PHKB: variants seen among roughly 807,000 people sequenced by gnomAD.
PHKB encodes phosphorylase kinase regulatory subunit beta, also known as phosphorylase b kinase regulatory subunit beta.
PHKB carries 122 observed loss-of-function variants against 152.1 expected under a neutral mutation model. The ratio of observed to expected loss-of-function variants is 0.80; its 90% CI spans 0.69 to 0.93. PHKB has a LOEUF of 0.93. PHKB is among the 40% of genes least tolerant of loss of function. The pLI, the probability that PHKB is intolerant of heterozygous loss-of-function variation, is 0.00. For synonymous variants in PHKB, 436 were observed against 464.9 expected, an observed-to-expected ratio of 0.94 and a Z score of 0.80; for missense variants, 1,304 against 1,328.4, an observed-to-expected ratio of 0.98 and a Z score of 0.29.
Position 47,660,783 on chromosome 16 carries a change from G to C in PHKB, c.2160G>C (p.Lys720Asn), listed in dbSNP as rs774334485. The stretch of plus-strand genomic sequence containing the variant: ...CGGATGTCAACATTAGTGAATGGAA[G>C]GACAAACCCACCCACGAAATTCTTC... ...QQPDVNISEW[K>N]DKPTHEILQK... The change falls in exon 22 of 31, where the codon AAG becomes AAC. Residue 720 changes from lysine to asparagine, a missense_variant. Lys to Asn is a moderately conservative substitution (Grantham distance 94, BLOSUM62 0). Transcript: ENST00000323584. The C allele has an allele frequency of 1.1e-5, 17 of 1,613,928 alleles. No homozygotes were observed. In the South Asian group the frequency reaches 1.9e-4, roughly 18 times the overall value.
chr16:47,624,834 C>T (rs997348510), intron 14 of PHKB, among the ~76,000 whole-genome samples: 1 of 152,144 alleles, frequency 6.6e-6, no homozygotes. Context: ...CACAGTCTGG[C>T]TTCTTACACT....
chr16:47,665,890 C>T, intron 25 of PHKB: 1 of 1,284,540 alleles, frequency 7.8e-7, no homozygotes, highest in Non-Finnish European at 1.1e-6. Context: ...CCCATGCATT[C>T]CTCATCTTTT....
At chr16:47,672,987 A>G (rs1441887386) in intron 26 of PHKB, among the ~76,000 whole-genome samples, 1 of 152,110 alleles carries the variant, frequency 6.6e-6, no homozygotes, top group African/African-American at 2.4e-5. Flanking sequence ...CCTGAAACTC[A>G]TTCTGGAATT....
rs115167659 is a variant in PHKB, at chr16:47,489,124, A to C, written c.77-8275A>C. ...GCTGGAGCGCAGTGGTGCAATCTTC[A>C]CTCACTGTGACCACCTCCCAAGTTC... On this transcript the variant is annotated intron_variant, in intron 1 of 30. Coordinates refer to ENST00000323584, the MANE Select transcript of PHKB (RefSeq NM_000293.3). Among the ~76,000 whole-genome samples the C allele has an allele frequency of 4.0e-3, 605 of 151,882 alleles. 2 individuals are homozygous for C. The highest frequency in any genetic ancestry group is 0.014 in the African/African-American group (582 of 41,404).
chr16:47,564,519 A>AT (rs1382505021), intron 7 of PHKB, among the ~76,000 whole-genome samples: 4 of 149,854 alleles, frequency 2.7e-5, no homozygotes, highest in African/African-American at 2.5e-5. Context: ...TTTTAATGGG[A>AT]TTTTTTCCTT....
chr16:47,597,671 CTTTTTTCT>C (rs891722960), intron 13 of PHKB: 1 of 124,596 alleles, frequency 8.0e-6, no homozygotes, highest in Non-Finnish European at 1.7e-5. Flanking sequence ...TTTCTTTTTT[CTTTTTTCT>C]TTTTTTTTTT....
intron 1 of PHKB, chr16:47,462,489 C>G (rs1191244393): frequency 3.3e-5 from 5 of 152,128 alleles, no homozygotes; most frequent in African/African-American, 1.2e-4. Context: ...CAAAAATTAC[C>G]TGGGCGTGGT....
chr16:47,629,388 GA>G (rs1972778628), intron 14 of PHKB, among the ~76,000 whole-genome samples: 1 of 151,922 alleles, frequency 6.6e-6, no homozygotes, highest in South Asian at 2.1e-4. Flanking sequence ...CTTCTCAAAA[GA>G]AGACATTTAT....
At chr16:47,639,218 G>A (rs1485423023) in intron 14 of PHKB, among the ~76,000 whole-genome samples, 1 of 152,148 alleles carries the variant, frequency 6.6e-6, no homozygotes, top group Non-Finnish European at 1.5e-5. Context: ...AGGCTGCAGT[G>A]AGCCGTGATC....
intron 7 of PHKB, among the ~76,000 whole-genome samples, chr16:47,574,143 C>T (rs1971710936): frequency 1.3e-5 from 2 of 152,192 alleles, no homozygotes; most frequent in Non-Finnish European, 2.9e-5. Context: ...TGGTCTTGAA[C>T]TCTTGACCTC....
chr16:47,638,045 C>T (rs1443548026), intron 14 of PHKB, among the ~76,000 whole-genome samples: 2 of 152,098 alleles, frequency 1.3e-5, no homozygotes, highest in African/African-American at 4.8e-5. Flanking sequence ...CACCCCTCCC[C>T]ATTCCCCAGC....
At chr16:47,674,871 A>G (rs901185517) in intron 26 of PHKB, among the ~76,000 whole-genome samples, 2 of 151,970 alleles carry the variant, frequency 1.3e-5, no homozygotes, top group African/African-American at 2.4e-5. Context: ...AAAATCTTCC[A>G]CCTCCCCTAA....
At chr16:47,473,549 A>G (rs1969817763) in intron 1 of PHKB, among the ~76,000 whole-genome samples, 1 of 151,950 alleles carries the variant, frequency 6.6e-6, no homozygotes, top group African/African-American at 2.4e-5. Flanking sequence ...ACCAACAATC[A>G]CATGATTATT....
chr16:47,639,324 G>A (rs1475699926), intron 14 of PHKB, among the ~76,000 whole-genome samples: 1 of 152,184 alleles, frequency 6.6e-6, no homozygotes, highest in Non-Finnish European at 1.5e-5. Flanking sequence ...GTGGTTTGAA[G>A]AAAATGGTAA....
At chr16:47,622,297 G>A (rs772133085) in intron 14 of PHKB, among the ~76,000 whole-genome samples, 1 of 151,928 alleles carries the variant, frequency 6.6e-6, no homozygotes, top group African/African-American at 2.4e-5. Flanking sequence ...ATTTTTAAAG[G>A]TCTAGTGATC....
chr16:47,688,171 G>A (rs555165442), intron 26 of PHKB, among the ~76,000 whole-genome samples: 23 of 152,292 alleles, frequency 1.5e-4, no homozygotes, highest in African/African-American at 5.3e-4. Context: ...GCCTCTCTTT[G>A]TGCAGTGTTC....
chr16:47,551,189 A>G (rs1971264346), intron 7 of PHKB, among the ~76,000 whole-genome samples: 1 of 151,934 alleles, frequency 6.6e-6, no homozygotes, highest in Non-Finnish European at 1.5e-5. Flanking sequence ...ATTTTTTTGA[A>G]GGGTTTTTTG....
intron 16 of PHKB, among the ~76,000 whole-genome samples, chr16:47,647,462 A>G (rs1973151457): frequency 6.6e-6 from 1 of 150,622 alleles, no homozygotes; most frequent in Admixed American, 6.6e-5. Context: ...TCATTTCAAC[A>G]TTGAAATGTA....
At chr16:47,574,925 T>G (rs1296015140) in intron 7 of PHKB, among the ~76,000 whole-genome samples, 7 of 152,252 alleles carry the variant, frequency 4.6e-5, no homozygotes, top group African/African-American at 1.7e-4. Flanking sequence ...TTATTTCCTT[T>G]TCTTGCCCTA....
Sources: gnomAD v4.1 joint callset for allele counts (sites outside exome capture counted in the v4.1 genomes callset) on GRCh38, gnomAD v4.1.1 for gene constraint, MANE v1.5 for transcripts, NCBI Gene and HGNC (gene_info 2026-07-23, HGNC 2026-07-21) for gene names.